The following ATP8A2 variants were observed in gnomAD, a reference collection of about 807,000 sequenced individuals.
ATP8A2 encodes phospholipid-transporting ATPase IB.
A neutral mutation model predicts 165.6 loss-of-function variants in ATP8A2; 100 were observed. The observed-to-expected ratio is 0.60, with a 90% CI of 0.51 to 0.71. The LOEUF (loss-of-function observed/expected upper bound fraction) is 0.71. ATP8A2 is among the 30% of genes least tolerant of loss of function. The probability of loss-of-function intolerance (pLI) is 0.00; values close to 1 mark genes in which losing one functional copy is unlikely to be tolerated. For missense variants in ATP8A2, 1,227 were observed against 1,479.5 expected, an observed-to-expected ratio of 0.83 and a Z score of 2.80; for synonymous variants, 543 against 548.8, an observed-to-expected ratio of 0.99 and a Z score of 0.15.
At chr13:25,436,463 A>G (rs2034779367) in intron 1 of ATP8A2, among the ~76,000 whole-genome samples, 1 of 152,176 alleles carries the variant, frequency 6.6e-6, no homozygotes, top group Non-Finnish European at 1.5e-5. Context: ...ATGGCTATGT[A>G]GTATTCCATG....
chr13:25,612,276 A>G (rs78736085), intron 24 of ATP8A2, among the ~76,000 whole-genome samples: 8,698 of 152,204 alleles, frequency 0.057, 519 homozygotes, highest in East Asian at 0.21. Context: ...ATTTAATGCT[A>G]TGAACTTTCC....
chr13:25,723,347 C>T (rs1017698625), intron 25 of ATP8A2, among the ~76,000 whole-genome samples: 7 of 152,176 alleles, frequency 4.6e-5, no homozygotes, highest in Admixed American at 2.0e-4. Context: ...TTACCAGCCT[C>T]GTGAATATTA....
intron 2 of ATP8A2, among the ~76,000 whole-genome samples, chr13:25,486,880 C>T (rs1005763524): frequency 2.0e-5 from 3 of 152,124 alleles, no homozygotes; most frequent in Admixed American, 6.5e-5. Flanking sequence ...GGTGGAGGAT[C>T]GCTTGAGCCT....
At chr13:25,956,568 G>A (rs182773213) in intron 33 of ATP8A2, among the ~76,000 whole-genome samples, 12 of 152,270 alleles carry the variant, frequency 7.9e-5, no homozygotes, top group East Asian at 3.9e-4. Flanking sequence ...TACAAGGGAC[G>A]TGAAGGACCT....
intron 1 of ATP8A2, among the ~76,000 whole-genome samples, chr13:25,442,675 G>A (rs78118032): frequency 0.017 from 2,530 of 152,234 alleles, 70 homozygotes; most frequent in African/African-American, 0.058. Flanking sequence ...CAGCCTCGGC[G>A]TCCCAAAGTG....
intron 36 of ATP8A2, among the ~76,000 whole-genome samples, chr13:26,017,299 G>A (rs1208886644): frequency 1.3e-5 from 2 of 152,218 alleles, no homozygotes; most frequent in African/African-American, 4.8e-5. Flanking sequence ...GACTTCAGAT[G>A]TGGACTAGAA....
At chr13:25,946,142 C>A (rs543968694) in intron 33 of ATP8A2, among the ~76,000 whole-genome samples, 1 of 152,180 alleles carries the variant, frequency 6.6e-6, no homozygotes, top group South Asian at 2.1e-4. Flanking sequence ...GGCTCAGAGG[C>A]ACAGTTCCAT....
chr13:25,675,427 A>G (rs2042352294), intron 24 of ATP8A2, among the ~76,000 whole-genome samples: 1 of 152,236 alleles, frequency 6.6e-6, no homozygotes, highest in Non-Finnish European at 1.5e-5. Context: ...CAGGGCAGAC[A>G]GAATCAAATC....
At chr13:25,492,378 T>C (rs1413964696) in intron 2 of ATP8A2, among the ~76,000 whole-genome samples, 4 of 152,230 alleles carry the variant, frequency 2.6e-5, no homozygotes, top group African/African-American at 9.6e-5. Flanking sequence ...TAATAAAGAC[T>C]ATTTTTGCTG....
At chr13:25,813,709 G>C (rs1950938535) in intron 27 of ATP8A2, among the ~76,000 whole-genome samples, 1 of 152,100 alleles carries the variant, frequency 6.6e-6, no homozygotes, top group Non-Finnish European at 1.5e-5. Context: ...AATGTTATAT[G>C]AACTTTACTG....
Position 25,977,630 on chromosome 13 carries a change from C to CTGT in ATP8A2, c.3377+8971_3377+8973dup, listed in dbSNP as rs370018492. On this transcript the variant is annotated intron_variant, in intron 35 of 36. Transcript: ENST00000381655. ...TTTAGGAATGTTGAATTCCAAGAGC[C>CTGT]TGTTGTTGTTGTTGTTGTTGTTATT... Among the ~76,000 whole-genome samples the CTGT allele has an allele frequency of 6.6e-3, 1,010 of 152,112 alleles. 10 individuals are homozygous for CTGT. Among genetic ancestry groups the CTGT allele is most frequent in the African/African-American group, 0.02 (832 of 41,502 alleles).
rs143018141 is a variant in ATP8A2, at chr13:25,745,571, G to T, written c.2385-23475G>T. ...CTTGGTCTACATCTATCTAGGCTCT[G>T]GACTATGTATCCACTCTATGATCAA... On this transcript the variant is annotated intron_variant, in intron 25 of 36. Transcript: ENST00000381655. Among the ~76,000 whole-genome samples the T allele has an allele frequency of 5.3e-4, 81 of 152,224 alleles. 1 individual carries two copies. The highest frequency in any genetic ancestry group is 1.8e-3 in the African/African-American group (73 of 41,520).
intron 13 of ATP8A2, among the ~76,000 whole-genome samples, chr13:25,555,984 G>A (rs1309995421): frequency 6.6e-6 from 1 of 152,136 alleles, no homozygotes; most frequent in Non-Finnish European, 1.5e-5. Context: ...ATTCCATGGT[G>A]TATATGTACC....
At chr13:25,832,078 T>TA (rs1285097589) in intron 28 of ATP8A2, among the ~76,000 whole-genome samples, 15 of 151,942 alleles carry the variant, frequency 9.9e-5, no homozygotes, top group Non-Finnish European at 1.9e-4. Flanking sequence ...TAGCCAGGAT[T>TA]ACAGGTGCGC....
chr13:25,799,684 AC>A (rs1950580128), intron 27 of ATP8A2, among the ~76,000 whole-genome samples: 1 of 152,108 alleles, frequency 6.6e-6, no homozygotes, highest in Admixed American at 6.6e-5. Flanking sequence ...ATGAACAAGG[AC>A]CTTTCCCCTG....
At chr13:25,918,063 A>G (rs1376930326) in intron 33 of ATP8A2, among the ~76,000 whole-genome samples, 3 of 152,240 alleles carry the variant, frequency 2.0e-5, no homozygotes, top group Admixed American at 6.5e-5. Context: ...GTAGAGGGAC[A>G]TGTTTTTAGA....
chr13:25,662,796 G>A (rs1315985959), intron 24 of ATP8A2, among the ~76,000 whole-genome samples: 2 of 152,238 alleles, frequency 1.3e-5, no homozygotes, highest in African/African-American at 2.4e-5. Flanking sequence ...CTGGGTCTGT[G>A]CTGAAGGTGT....
At chr13:25,537,667 T>C (rs554298584) in intron 6 of ATP8A2, among the ~76,000 whole-genome samples, 1 of 152,304 alleles carries the variant, frequency 6.6e-6, no homozygotes, top group East Asian at 1.9e-4. Flanking sequence ...TATACAGCTA[T>C]GGAAATGCTG....
At chr13:25,855,485 T>C (rs1460667188) in intron 30 of ATP8A2, among the ~76,000 whole-genome samples, 1 of 152,238 alleles carries the variant, frequency 6.6e-6, no homozygotes, top group Non-Finnish European at 1.5e-5. Flanking sequence ...AATGGTGTTC[T>C]ATCATATTGA....
Sources: gnomAD v4.1 joint callset for allele counts (sites outside exome capture counted in the v4.1 genomes callset) on GRCh38, gnomAD v4.1.1 for gene constraint, MANE v1.5 for transcripts, NCBI Gene and HGNC (gene_info 2026-07-23, HGNC 2026-07-21) for gene names.